SV2C: variants seen among roughly 807,000 people sequenced by gnomAD.
The protein encoded by SV2C is solute carrier family 22 member B3.
Under a neutral mutation model 79.7 loss-of-function variants are expected in SV2C, and 49 were observed. The ratio of observed to expected loss-of-function variants is 0.61; its 90% CI spans 0.49 to 0.78. The LOEUF (loss-of-function observed/expected upper bound fraction) is 0.78. SV2C is among the 30% of genes least tolerant of loss of function. The pLI, the probability that SV2C is intolerant of heterozygous loss-of-function variation, is 0.00. For synonymous variants in SV2C, 334 were observed against 333.2 expected (o/e 1.00, Z -0.03); for missense variants, 833 against 912.9 (o/e 0.91, Z 1.13).
In SV2C at chr5:76,256,722, AT is replaced by A. The variant is rs1268751164; in HGVS notation, c.914-28439del. On this transcript the variant is annotated intron_variant, in intron 4 of 12. Coordinates refer to ENST00000502798, the MANE Select transcript of SV2C (RefSeq NM_014979.4). ...CAGGGAAATTCATCTCCCAGCAAGAATCCTGCCTGCTACCAAATCATCTTTT... is the reference window on the plus strand; with the variant it reads ...CAGGGAAATTCATCTCCCAGCAAGAACCTGCCTGCTACCAAATCATCTTTT... 2.0e-5 allele frequency among the ~76,000 whole-genome samples: 3 copies of A among 152,196 alleles called. No individual in the cohort carries two copies. In the East Asian group the frequency reaches 5.8e-4, roughly 29 times the overall value.
At chr5:76,124,526 G>A (rs1748637006) in intron 1 of SV2C, among the ~76,000 whole-genome samples, 1 of 152,134 alleles carries the variant, frequency 6.6e-6, no homozygotes. Flanking sequence ...ATGGGCCAAT[G>A]GGTTGCTTCC....
Position 76,131,913 on chromosome 5 carries a change from G to T in SV2C, c.163G>T (p.Asp55Tyr). ...CAGTCGGTTCCAAGATGAAGAAGAT[G>T]ATGATGACTACTACCCGGCTGGAGA... ...SYSRFQDEED[D>Y]DDYYPAGETY... The change falls in exon 2 of 13, where the codon GAT becomes TAT. Residue 55 changes from aspartate to tyrosine, a missense_variant. Coordinates refer to ENST00000502798, the MANE Select transcript of SV2C (RefSeq NM_014979.4). The T allele has an allele frequency of 6.2e-7, 1 of 1,614,098 alleles. No individual in the cohort carries two copies. Among genetic ancestry groups the T allele is most frequent in the Non-Finnish European group, 8.5e-7 (1 of 1,180,002 alleles).
the SV2C span, among the ~76,000 whole-genome samples, chr5:75,864,375 T>A: frequency 6.6e-6 from 1 of 152,208 alleles, no homozygotes; most frequent in East Asian, 1.9e-4. Context: ...TAATAGTACC[T>A]AATAGGTACC....
At chr5:75,961,225 A>G in the SV2C span, among the ~76,000 whole-genome samples, 1 of 152,008 alleles carries the variant, frequency 6.6e-6, no homozygotes, top group Non-Finnish European at 1.5e-5. Context: ...ACTGGATTTA[A>G]TTATTTTTTT....
the SV2C span, among the ~76,000 whole-genome samples, chr5:76,029,167 T>TG: frequency 6.6e-6 from 1 of 152,058 alleles, no homozygotes; most frequent in East Asian, 1.9e-4. Flanking sequence ...TATGTATACA[T>TG]TGTAGATTGA....
chr5:76,241,862 C>T (rs553207479), intron 4 of SV2C, among the ~76,000 whole-genome samples: 1 of 151,976 alleles, frequency 6.6e-6, no homozygotes, highest in African/African-American at 2.4e-5. Flanking sequence ...ATGCCCCTTC[C>T]CCCAAAAACA....
the SV2C span, chr5:75,921,670 C>A: frequency 3.8e-5 from 24 of 639,062 alleles, no homozygotes; most frequent in Non-Finnish European, 6.3e-5. Context: ...CCCCTTTTAT[C>A]TGTTGGTAAA....
the SV2C span, among the ~76,000 whole-genome samples, chr5:76,078,147 G>A: frequency 6.6e-6 from 1 of 152,164 alleles, no homozygotes; most frequent in South Asian, 2.1e-4. Context: ...GATGAAGAAT[G>A]TTCTGGAAGT....
chr5:76,065,979 C>T, the SV2C span, among the ~76,000 whole-genome samples: 11 of 152,142 alleles, frequency 7.2e-5, no homozygotes, highest in East Asian at 2.1e-3. Flanking sequence ...TTTCCTTAAC[C>T]CCTCAAATAG....
At chr5:76,062,453 C>A in the SV2C span, among the ~76,000 whole-genome samples, 2 of 152,124 alleles carry the variant, frequency 1.3e-5, no homozygotes, top group African/African-American at 4.8e-5. Flanking sequence ...CCTCAACAGA[C>A]AATGAACCTG....
At chr5:76,044,024 C>T in the SV2C span, among the ~76,000 whole-genome samples, 1 of 152,042 alleles carries the variant, frequency 6.6e-6, no homozygotes, top group Non-Finnish European at 1.5e-5. Flanking sequence ...ATATTAAGCC[C>T]CACATGCATT....
At chr5:75,896,187 A>T in the SV2C span, among the ~76,000 whole-genome samples, 1 of 150,084 alleles carries the variant, frequency 6.7e-6, no homozygotes, top group Non-Finnish European at 1.5e-5. Context: ...AGCATTAGGT[A>T]TATCTCCTAA....
At chr5:75,852,419 A>G in the SV2C span, among the ~76,000 whole-genome samples, 3 of 152,304 alleles carry the variant, frequency 2.0e-5, no homozygotes, top group South Asian at 2.1e-4. Context: ...CCAGAGGGGG[A>G]AAAAAGGTGT....
the SV2C span, among the ~76,000 whole-genome samples, chr5:76,049,225 T>C: frequency 2.0e-5 from 3 of 148,340 alleles, no homozygotes; most frequent in Non-Finnish European, 4.4e-5. Context: ...TAATCCCGGC[T>C]ACATAAGAGG....
intron 12 of SV2C, among the ~76,000 whole-genome samples, chr5:76,321,236 CAAAG>C (rs1256838598): frequency 6.6e-6 from 1 of 151,708 alleles, no homozygotes; most frequent in Admixed American, 6.6e-5. Context: ...ACAAATCAAA[CAAAG>C]AAAGATGTGT....
In SV2C at chr5:76,301,407, G is replaced by A; in HGVS notation, c.1862G>A (p.Gly621Glu). 1 of 1,613,930 alleles carries A rather than the reference G, an allele frequency of 6.2e-7. No homozygotes were observed. The highest frequency in any genetic ancestry group is 8.5e-7 in the Non-Finnish European group (1 of 1,179,918). ...GCAGGTGGCTCTATGGTGCTTTCGG[G>A]GATCAGCTGTTTCTTCCTTTGGTTC... The part of the protein sequence containing the change: ...TMLGGSMVLS[G>E]ISCFFLWFGT... Residue 621 changes from glycine (G) to glutamate (E), a missense_variant, in exon 12 of 13, where the codon GGG becomes GAG. By Grantham distance (98) the Gly-to-Glu change is moderately conservative. Transcript: ENST00000502798.
intron 1 of SV2C, among the ~76,000 whole-genome samples, chr5:76,122,307 C>T (rs553676165): frequency 3.3e-5 from 5 of 151,434 alleles, no homozygotes; most frequent in Middle Eastern, 6.8e-3. Flanking sequence ...ACAATCATGT[C>T]GTCTGCAAAC....
chr5:76,332,619 A>G lies in SV2C; in HGVS notation c.*7072A>G, dbSNP rs916685962. ...TCTGTATGGTAGAAATACTGTATAC[A>G]GGTATACTACTACACACACCTTCCC... On this transcript the variant is annotated 3_prime_UTR_variant, in exon 13 of 13. Transcript: ENST00000502798. 2 of 152,160 alleles carry G rather than the reference A, an allele frequency of 1.3e-5. No individual in the cohort carries two copies. The highest frequency in any genetic ancestry group is 1.3e-4 in the Admixed American group (2 of 15,284). 9.4% of individuals were successfully genotyped at this position (152,160 alleles called of 1,614,324 possible). A position where few individuals can be genotyped will look rare whatever the true frequency, so the allele number is the denominator to read the frequency against.
At chr5:76,336,307 G>A (rs1322958102), downstream of SV2C, among the ~76,000 whole-genome samples, 3 of 152,088 alleles carry the variant, frequency 2.0e-5, no homozygotes, top group Non-Finnish European at 4.4e-5. Flanking sequence ...CGGCCGGGCA[G>A]AGACGCTCCT....
Sources: gnomAD v4.1 joint callset for allele counts (sites outside exome capture counted in the v4.1 genomes callset) on GRCh38, gnomAD v4.1.1 for gene constraint, MANE v1.5 for transcripts, NCBI Gene and HGNC (gene_info 2026-07-23, HGNC 2026-07-21) for gene names.